Variants in KLF12 observed in about 807,000 individuals in gnomAD.
KLF12 encodes the protein Krueppel-like factor 12.
In KLF12, 9 loss-of-function variants were observed where a neutral mutation model predicts 37.8. That is an observed-to-expected ratio of 0.24 (90% CI 0.14 to 0.42). The LOEUF (loss-of-function observed/expected upper bound fraction) is 0.42. Ranked by LOEUF, KLF12 falls within the 10% of genes least tolerant of loss-of-function variation. KLF12 has a pLI of 1.00. For synonymous variants in KLF12, 208 were observed against 202.1 expected (o/e 1.03, Z -0.25); for missense variants, 411 against 516.0 (o/e 0.80, Z 1.97).
intron 1 of KLF12, among the ~76,000 whole-genome samples, chr13:74,051,529 G>T (rs754152814): frequency 3.3e-5 from 5 of 152,104 alleles, no homozygotes; most frequent in Admixed American, 6.6e-5. Flanking sequence ...AAAGTAAAAT[G>T]AGTGAAACAG....
At chr13:73,731,837 G>A (rs957521404) in intron 6 of KLF12, among the ~76,000 whole-genome samples, 4 of 152,198 alleles carry the variant, frequency 2.6e-5, no homozygotes, top group Non-Finnish European at 5.9e-5. Flanking sequence ...GGGACTGAAA[G>A]ATGTGAGTTC....
intron 2 of KLF12, among the ~76,000 whole-genome samples, chr13:73,944,915 C>T (rs934446688): frequency 6.6e-6 from 1 of 152,190 alleles, no homozygotes; most frequent in Non-Finnish European, 1.5e-5. Context: ...TATTTTTAAA[C>T]ATGTTTAGAA....
chr13:74,126,983 A>G (rs1038677480), intron 1 of KLF12, among the ~76,000 whole-genome samples: 7 of 152,204 alleles, frequency 4.6e-5, no homozygotes, highest in African/African-American at 1.7e-4. Context: ...TTTATTTTGT[A>G]CCTACTATTT....
At chr13:73,763,995 T>C (rs1197638496) in intron 6 of KLF12, among the ~76,000 whole-genome samples, 1 of 152,140 alleles carries the variant, frequency 6.6e-6, no homozygotes, top group Non-Finnish European at 1.5e-5. Context: ...TTAGGCATGA[T>C]TCAAATTCAA....
At chr13:73,722,856 C>T (rs183248420) in intron 6 of KLF12, among the ~76,000 whole-genome samples, 1 of 152,292 alleles carries the variant, frequency 6.6e-6, no homozygotes, top group East Asian at 1.9e-4. Context: ...AAGTTTCCTA[C>T]TAAACTAATT....
chr13:73,874,514 G>T (rs890299252), intron 3 of KLF12, among the ~76,000 whole-genome samples: 1 of 152,140 alleles, frequency 6.6e-6, no homozygotes, highest in Non-Finnish European at 1.5e-5. Flanking sequence ...CAGTTATTCA[G>T]GAAAATGTCA....
At chr13:74,064,698 A>G (rs1183197300) in intron 1 of KLF12, among the ~76,000 whole-genome samples, 3 of 152,218 alleles carry the variant, frequency 2.0e-5, no homozygotes, top group African/African-American at 7.2e-5. Context: ...ACAATAATTC[A>G]CAGAGGAATG....
At chr13:73,919,280 A>G (rs1404699190) in intron 3 of KLF12, among the ~76,000 whole-genome samples, 7 of 152,226 alleles carry the variant, frequency 4.6e-5, no homozygotes, top group Non-Finnish European at 5.9e-5. Context: ...GTTATCCATA[A>G]GTTGAATCAA....
chr13:74,233,045 C>G, the KLF12 span, among the ~76,000 whole-genome samples: 1 of 152,066 alleles, frequency 6.6e-6, no homozygotes, highest in Non-Finnish European at 1.5e-5. Flanking sequence ...TCCACCATGC[C>G]TGGCTAATTT....
chr13:73,941,183 T>C (rs2139352268), intron 3 of KLF12, among the ~76,000 whole-genome samples: 1 of 152,344 alleles, frequency 6.6e-6, no homozygotes, highest in African/African-American at 2.4e-5. Flanking sequence ...TTCTTCAAGC[T>C]TTCTCATTCA....
intron 3 of KLF12, among the ~76,000 whole-genome samples, chr13:73,893,700 G>C (rs760905462): frequency 6.6e-6 from 1 of 152,182 alleles, no homozygotes; most frequent in South Asian, 2.1e-4. Context: ...ATTGTTTACT[G>C]TGTGCCAGAT....
chr13:74,116,348 C>T (rs1877303338), intron 1 of KLF12, among the ~76,000 whole-genome samples: 1 of 152,194 alleles, frequency 6.6e-6, no homozygotes, highest in South Asian at 2.1e-4. Flanking sequence ...GAGTGGGAAC[C>T]TGCTTTAAGT....
intron 4 of KLF12, among the ~76,000 whole-genome samples, chr13:73,834,701 G>C (rs1226809431): frequency 6.6e-6 from 1 of 152,142 alleles, no homozygotes; most frequent in Non-Finnish European, 1.5e-5. Flanking sequence ...TCGTAGAGAC[G>C]AGGTTTCGCC....
At chr13:73,862,588 A>G (rs1885986593) in intron 3 of KLF12, among the ~76,000 whole-genome samples, 1 of 151,686 alleles carries the variant, frequency 6.6e-6, no homozygotes, top group Non-Finnish European at 1.5e-5. Context: ...ATTTTGTGCA[A>G]TTTTAAGACG....
At chr13:73,801,975 G>A (rs1443405064) in intron 5 of KLF12, 1 of 152,012 alleles carries the variant, frequency 6.6e-6, no homozygotes, top group Non-Finnish European at 1.5e-5. Context: ...ACATTAGAAT[G>A]AGGCATGGCC....
At chr13:73,843,631 C>A (rs74717172) in intron 4 of KLF12, among the ~76,000 whole-genome samples, 2,789 of 152,158 alleles carry the variant, frequency 0.018, 43 homozygotes, top group Non-Finnish European at 0.029. Flanking sequence ...CTAATCTTCC[C>A]AATAATCTTC....
At chr13:73,831,402 G>A (rs1013388786) in intron 4 of KLF12, among the ~76,000 whole-genome samples, 3 of 151,952 alleles carry the variant, frequency 2.0e-5, no homozygotes, top group African/African-American at 7.2e-5. Flanking sequence ...GAACATATAA[G>A]CACTCTATAA....
At chr13:74,175,570 G>A in the KLF12 span, among the ~76,000 whole-genome samples, 1 of 152,286 alleles carries the variant, frequency 6.6e-6, no homozygotes, top group Non-Finnish European at 1.5e-5. Context: ...GCATCCCTGA[G>A]ATGAGACCCA....
intron 5 of KLF12, among the ~76,000 whole-genome samples, chr13:73,780,689 C>T (rs910835523): frequency 1.3e-5 from 2 of 152,112 alleles, no homozygotes; most frequent in Admixed American, 6.5e-5. Context: ...CTCAACCTCC[C>T]GACCTCTGGT....
Sources: allele counts gnomAD v4.1 joint callset (sites outside exome capture counted in the v4.1 genomes callset), GRCh38; gene constraint gnomAD v4.1.1; transcripts MANE v1.5; gene names NCBI Gene and HGNC (gene_info 2026-07-23, HGNC 2026-07-21).